Variants in KLHL20 observed in about 807,000 individuals in gnomAD.
KLHL20 encodes kelch-like protein 20.
In KLHL20, 29 loss-of-function variants were observed where a neutral mutation model predicts 69.5. The observed-to-expected ratio is 0.42, with a 90% confidence interval of 0.31 to 0.57. The LOEUF is 0.57. Ranked by LOEUF, KLHL20 falls within the 20% of genes least tolerant of loss-of-function variation. The pLI is 0.18. For missense variants in KLHL20, 419 were observed against 776.0 expected (o/e 0.54, Z 5.47); for synonymous variants, 253 against 265.2 (o/e 0.95, Z 0.45).
At chr1:173,753,407 G>T in intron 5 of KLHL20, 100 bp downstream of exon 5, 1 of 849,174 alleles carries the variant, frequency 1.2e-6, no homozygotes, top group East Asian at 2.7e-5. Flanking sequence ...ATTTTGCAGA[G>T]CTGAAACCAG....
At chr1:173,762,241 CAAAA>C (rs749150137) in intron 7 of KLHL20, among the ~76,000 whole-genome samples, 1 of 150,172 alleles carries the variant, frequency 6.7e-6, no homozygotes, top group Admixed American at 6.6e-5. Flanking sequence ...AAAATTACAA[CAAAA>C]AAAAAGTCCA....
chr1:173,779,117 C>A (rs1387468779), intron 10 of KLHL20, among the ~76,000 whole-genome samples: 4 of 151,876 alleles, frequency 2.6e-5, no homozygotes, highest in African/African-American at 9.7e-5. Context: ...TGTCCAAAAC[C>A]GCTTTATAGG....
chr1:173,721,287 ATTTG>A (rs897788535), intron 2 of KLHL20, among the ~76,000 whole-genome samples: 4 of 152,128 alleles, frequency 2.6e-5, no homozygotes, highest in African/African-American at 9.7e-5. Flanking sequence ...GAAATTTTCA[ATTTG>A]TTCTACTCAG....
chr1:173,723,168 G>T (rs1473367017), intron 2 of KLHL20, among the ~76,000 whole-genome samples: 2 of 152,020 alleles, frequency 1.3e-5, no homozygotes, highest in African/African-American at 2.4e-5. Flanking sequence ...GGAATTTTTG[G>T]TCTTCTGTCT....
At chr1:173,764,436 G>A (rs1014959990) in intron 7 of KLHL20, among the ~76,000 whole-genome samples, 1 of 152,168 alleles carries the variant, frequency 6.6e-6, no homozygotes, top group African/African-American at 2.4e-5. Context: ...CATGTTTCTA[G>A]CAGCACAATT....
chr1:173,772,315 C>T (rs552184576), intron 8 of KLHL20, among the ~76,000 whole-genome samples: 26 of 152,282 alleles, frequency 1.7e-4, no homozygotes, highest in African/African-American at 5.5e-4. Context: ...GTCAAAAAGA[C>T]TCAGGAGCCA....
chr1:173,755,994 C>T lies in KLHL20; in HGVS notation c.923C>T (p.Thr308Met), dbSNP rs754888725. 3.1e-6 allele frequency: 5 copies of T among 1,614,008 alleles called. No homozygotes were observed. The highest frequency in any genetic ancestry group is 1.3e-5 in the African/African-American group (1 of 75,032). Residue 308 changes from threonine (T) to methionine (M), a missense_variant, in exon 6 of 12, where the codon ACG becomes ATG. Physicochemically the swap from Thr to Met is moderately conservative, Grantham distance 81 (BLOSUM62 -1). This residue lies in a region of KLHL20 where 99 missense variants were observed against 240.7 expected (regional missense o/e 0.41). Transcript: ENST00000209884. ...QERPLMQGPR[T>M]RPRKPIRCGE... ...CGACCACTAATGCAAGGACCAAGGACGAGACCACGGAAACCTATCCGATGT... is the reference window on the plus strand; with the variant it reads ...CGACCACTAATGCAAGGACCAAGGATGAGACCACGGAAACCTATCCGATGT...
intron 2 of KLHL20, among the ~76,000 whole-genome samples, chr1:173,718,041 A>G (rs1671543298): frequency 6.6e-6 from 1 of 152,108 alleles, no homozygotes; most frequent in South Asian, 2.1e-4. Flanking sequence ...ATTCTTTTAG[A>G]GGCATTGTAG....
intron 8 of KLHL20, among the ~76,000 whole-genome samples, chr1:173,770,229 A>T (rs1447758743): frequency 6.6e-6 from 1 of 152,222 alleles, no homozygotes; most frequent in Non-Finnish European, 1.5e-5. Context: ...ATGATAACAG[A>T]TATGAAACTA....
In KLHL20 at chr1:173,750,492, T is replaced by C. The variant is rs532779950; in HGVS notation, c.598-1272T>C. Among the ~76,000 whole-genome samples, 685 of 151,110 alleles carry C rather than the reference T, an allele frequency of 4.5e-3. 6 individuals carry two copies. Among genetic ancestry groups the C allele is most frequent in the African/African-American group, 0.015 (630 of 41,308 alleles). On this transcript the variant is annotated intron_variant, in intron 3 of 11. Transcript: ENST00000209884. Reference sequence around the variant, plus strand: ...GTCCGGCTAATTTTTCTTTTTCTTTTTTTTTTTTTTTGAGATGGAGCCTCA... The same window carrying C: ...GTCCGGCTAATTTTTCTTTTTCTTTCTTTTTTTTTTTGAGATGGAGCCTCA...
At chr1:173,728,871 T>G (rs567077908) in intron 2 of KLHL20, among the ~76,000 whole-genome samples, 1 of 152,126 alleles carries the variant, frequency 6.6e-6, no homozygotes, top group Non-Finnish European at 1.5e-5. Context: ...AAGAAATAAC[T>G]AAGATCAGAG....
chr1:173,780,876 C>T (rs1167106285), intron 10 of KLHL20, among the ~76,000 whole-genome samples: 6 of 151,764 alleles, frequency 4.0e-5, no homozygotes, highest in African/African-American at 1.5e-4. Flanking sequence ...ACTACAGGTG[C>T]GTGCCACCAT....
chr1:173,775,394 A>G (rs896577842), intron 9 of KLHL20, among the ~76,000 whole-genome samples: 14 of 152,228 alleles, frequency 9.2e-5, no homozygotes, highest in African/African-American at 3.4e-4. Flanking sequence ...AGATAAAACT[A>G]GAACCAGAGT....
Position 173,743,053 on chromosome 1 carries a change from TTAA to T in KLHL20, c.598-8709_598-8707del, listed in dbSNP as rs1672893729. ...GTAATTCCCATGAGCTCATCCAAAT[TTAA>T]TCAGAAAAAAAAACATGAAAAATAC... On this transcript the variant is annotated intron_variant, in intron 3 of 11. Coordinates refer to ENST00000209884, the MANE Select transcript of KLHL20 (RefSeq NM_014458.4). Among the ~76,000 whole-genome samples, 17 of 150,150 alleles carry T rather than the reference TTAA, an allele frequency of 1.1e-4. No individual in the cohort carries two copies. In the South Asian group the frequency reaches 3.6e-3, roughly 32 times the overall value.
chr1:173,761,719 C>G (rs1019631505), intron 7 of KLHL20, among the ~76,000 whole-genome samples: 4 of 152,186 alleles, frequency 2.6e-5, no homozygotes, highest in Non-Finnish European at 4.4e-5. Flanking sequence ...ATCAAAACCT[C>G]TGGGATACAC....
chr1:173,734,449 C>A, intron 3 of KLHL20, 163 bp downstream of exon 3: 2 of 667,020 alleles, frequency 3.0e-6, no homozygotes, highest in Non-Finnish European at 5.2e-6. Flanking sequence ...TTTTAGAGGG[C>A]AATTTTGTGT....
rs542935184 is a variant in KLHL20, at chr1:173,776,386, T to A, written c.1638+544T>A. On this transcript the variant is annotated intron_variant, in intron 10 of 11. Coordinates refer to ENST00000209884, the MANE Select transcript of KLHL20 (RefSeq NM_014458.4). The stretch of plus-strand genomic sequence containing the variant: ...TTCTGTGGGTTGTCTCTTCACTTTG[T>A]TGGTTGTTTCCTTTGCTGTGCAGAA... Among the ~76,000 whole-genome samples, 6 of 152,246 alleles carry A rather than the reference T, an allele frequency of 3.9e-5. 1 individual carries two copies. In the South Asian group the frequency reaches 1.2e-3, roughly 32 times the overall value.
At chr1:173,735,703 C>T (rs927117096) in intron 3 of KLHL20, among the ~76,000 whole-genome samples, 6 of 152,026 alleles carry the variant, frequency 3.9e-5, no homozygotes, top group South Asian at 2.1e-4. Context: ...ATCCACCACC[C>T]GAGCAGTGTA....
At chr1:173,768,128 T>G (rs1647850329) in intron 8 of KLHL20, among the ~76,000 whole-genome samples, 1 of 152,200 alleles carries the variant, frequency 6.6e-6, no homozygotes, top group African/African-American at 2.4e-5. Flanking sequence ...GATTACATAA[T>G]AATACTTTGT....
Sources: gnomAD v4.1 joint callset for allele counts (sites outside exome capture counted in the v4.1 genomes callset) on GRCh38, gnomAD v4.1.1 for gene constraint, gnomAD v4.1.1 regional missense constraint, MANE v1.5 for transcripts, NCBI Gene and HGNC (gene_info 2026-07-23, HGNC 2026-07-21) for gene names.